The following TIAM1 variants were observed in gnomAD, a reference collection of about 807,000 sequenced individuals.
TIAM1 encodes the protein rho guanine nucleotide exchange factor TIAM1.
TIAM1 carries 65 observed loss-of-function variants against 163.5 expected under a neutral mutation model. The ratio of observed to expected loss-of-function variants is 0.40; its 90% confidence interval spans 0.33 to 0.49. The LOEUF is 0.49. Among genes scored for constraint, TIAM1 ranks in the 20% least tolerant of loss-of-function variants. The pLI is 0.77. For synonymous variants in TIAM1, 833 were observed against 810.1 expected (o/e 1.03, Z -0.48); for missense variants, 1,789 against 2,044.7 (o/e 0.87, Z 2.41).
At chr21:31,133,445 G>C (rs1259138287) in intron 23 of TIAM1, among the ~76,000 whole-genome samples, 1 of 152,178 alleles carries the variant, frequency 6.6e-6, no homozygotes, top group Non-Finnish European at 1.5e-5. Context: ...AGGTGCTGTG[G>C]GCCCGCCTTC....
chr21:31,468,427 G>A (rs1417330722), intron 1 of TIAM1, among the ~76,000 whole-genome samples: 6 of 151,602 alleles, frequency 4.0e-5, no homozygotes, highest in African/African-American at 1.2e-4. Flanking sequence ...AGGTTTCAGT[G>A]AGCGAAGATC....
At chr21:31,132,215 T>C (rs893960330) in intron 23 of TIAM1, among the ~76,000 whole-genome samples, 2 of 152,192 alleles carry the variant, frequency 1.3e-5, no homozygotes, top group Admixed American at 6.5e-5. Context: ...TCAATTTCTA[T>C]CCTACGGAGG....
rs139117633 is a variant in TIAM1, at chr21:31,337,518, G to GTTTTATTATTA, written c.-189+1724_-189+1725insTAATAATAAAA. On this transcript the variant is annotated intron_variant, in intron 2 of 27. Transcript: ENST00000541036. ...TGTTGTTTTTATTATTATTATTGTT[G>GTTTTATTATTA]TTATTATTATTATTATTATTATTAT... 1.2e-3 allele frequency among the ~76,000 whole-genome samples: 184 copies of GTTTTATTATTA among 147,270 alleles called. 1 individual carries two copies. The highest frequency in any genetic ancestry group is 4.4e-3 in the African/African-American group (176 of 39,576).
intron 1 of TIAM1, among the ~76,000 whole-genome samples, chr21:31,551,400 G>A (rs925330817): frequency 6.6e-6 from 1 of 151,438 alleles, no homozygotes; most frequent in African/African-American, 2.4e-5. Flanking sequence ...ACAGAGCGAG[G>A]CTCTGTCTCA....
intron 16 of TIAM1, among the ~76,000 whole-genome samples, chr21:31,159,720 T>C (rs963897735): frequency 2.6e-5 from 4 of 152,234 alleles, no homozygotes; most frequent in African/African-American, 9.6e-5. Flanking sequence ...TGTAGAAGTT[T>C]AAGTTTGATT....
intron 1 of TIAM1, among the ~76,000 whole-genome samples, chr21:31,470,066 C>T (rs1203331353): frequency 5.4e-5 from 8 of 149,224 alleles, no homozygotes; most frequent in East Asian, 2.1e-4. Context: ...TGCAGTGGCG[C>T]GATCTCAGCT....
Position 31,486,033 on chromosome 21 carries a change from G to A in TIAM1, c.-421-21998C>T, listed in dbSNP as rs2046260455. Among the ~76,000 whole-genome samples, 6 of 152,108 alleles carry A rather than the reference G, an allele frequency of 3.9e-5. No homozygotes were observed. The South Asian group carries it at 1.2e-3, about 32-fold the overall frequency. On this transcript the variant is annotated intron_variant, in intron 1 of 28. Transcript: ENST00000286827. ...ACATACACGATCTGCTCCCCTGTGGGCTCAGAACAAGCTGCACACCACTGA... is the reference window on the plus strand; with the variant it reads ...ACATACACGATCTGCTCCCCTGTGGACTCAGAACAAGCTGCACACCACTGA...
At chr21:31,362,805 T>A (rs1457212034) in intron 2 of TIAM1, among the ~76,000 whole-genome samples, 1 of 152,012 alleles carries the variant, frequency 6.6e-6, no homozygotes, top group Non-Finnish European at 1.5e-5. Flanking sequence ...CATCACCCCT[T>A]AGGGCAGGGA....
At chr21:31,555,066 AT>A (rs1271039738) in intron 1 of TIAM1, among the ~76,000 whole-genome samples, 3 of 151,978 alleles carry the variant, frequency 2.0e-5, no homozygotes, top group Non-Finnish European at 2.9e-5. Context: ...ACACTAGAAC[AT>A]TGTTTTATTT....
chr21:31,521,708 A>G (rs1158452863), intron 1 of TIAM1, among the ~76,000 whole-genome samples: 3 of 151,206 alleles, frequency 2.0e-5, no homozygotes, highest in Non-Finnish European at 4.4e-5. Context: ...ACTGCATGCC[A>G]GCCTGGGCAA....
chr21:31,255,994 G>A (rs895661948), intron 4 of TIAM1, among the ~76,000 whole-genome samples: 1 of 152,200 alleles, frequency 6.6e-6, no homozygotes, highest in Non-Finnish European at 1.5e-5. Flanking sequence ...GTGGCCAGCT[G>A]TAGCCTAATA....
At chr21:31,157,591 G>T (rs573465037) in intron 16 of TIAM1, among the ~76,000 whole-genome samples, 2 of 152,132 alleles carry the variant, frequency 1.3e-5, no homozygotes, top group African/African-American at 4.8e-5. Flanking sequence ...AACCAACCCT[G>T]AATAGAATGC....
intron 2 of TIAM1, among the ~76,000 whole-genome samples, chr21:31,393,422 A>ACAC (rs763186070): frequency 6.6e-5 from 10 of 152,128 alleles, no homozygotes; most frequent in East Asian, 3.8e-4. Flanking sequence ...CATGAGCTCA[A>ACAC]CACCACCCTG....
At chr21:31,165,907 T>A (rs185630611) in intron 15 of TIAM1, among the ~76,000 whole-genome samples, 110 of 152,320 alleles carry the variant, frequency 7.2e-4, no homozygotes, top group Admixed American at 1.6e-3. Flanking sequence ...GCTCTTCCCA[T>A]GATATTCTGT....
At chr21:31,518,321 C>T (rs781236235) in intron 1 of TIAM1, among the ~76,000 whole-genome samples, 7 of 151,932 alleles carry the variant, frequency 4.6e-5, no homozygotes, top group African/African-American at 7.3e-5. Context: ...AAGTTTCACT[C>T]TTGTTGCCCA....
chr21:31,451,724 T>TGTGTGTGCGC (rs1569343134), intron 2 of TIAM1, among the ~76,000 whole-genome samples: 1 of 128,072 alleles, frequency 7.8e-6, no homozygotes, highest in Non-Finnish European at 1.6e-5. Flanking sequence ...TGTGCGTGTG[T>TGTGTGTGCGC]GTGTGTGTGT....
intron 1 of TIAM1, among the ~76,000 whole-genome samples, chr21:31,505,580 T>C (rs943645005): frequency 2.6e-5 from 4 of 151,992 alleles, no homozygotes; most frequent in Non-Finnish European, 4.4e-5. Context: ...ACTCATTGAG[T>C]GTAGACATTG....
Position 31,380,517 on chromosome 21 carries a change from T to C in TIAM1, c.-368-41095A>G, listed in dbSNP as rs2076760559. On this transcript the variant is annotated intron_variant, in intron 2 of 28. Coordinates refer to the TIAM1 transcript ENST00000286827. ...GAGATCACACCATTGCACTCCAGCCTGGGCAACAAGAGCGAAATTCCATCT... is the reference window on the plus strand; with the variant it reads ...GAGATCACACCATTGCACTCCAGCCCGGGCAACAAGAGCGAAATTCCATCT... Among the ~76,000 whole-genome samples the C allele has an allele frequency of 2.0e-5, 3 of 152,172 alleles. 1 individual carries two copies. The South Asian group carries it at 6.2e-4, about 32-fold the overall frequency.
chr21:31,310,369 T>G (rs560975749), intron 2 of TIAM1, among the ~76,000 whole-genome samples: 1 of 152,192 alleles, frequency 6.6e-6, no homozygotes, highest in East Asian at 1.9e-4. Flanking sequence ...AGCAGTCCCC[T>G]CCCACAGCCA....
Sources: gnomAD v4.1 joint callset for allele counts (sites outside exome capture counted in the v4.1 genomes callset) on GRCh38, gnomAD v4.1.1 for gene constraint, MANE v1.5 for transcripts, NCBI Gene and HGNC (gene_info 2026-07-23, HGNC 2026-07-21) for gene names.